Variants in CAMTA1 observed in about 807,000 individuals in gnomAD.
The protein encoded by CAMTA1 is calmodulin binding transcription activator 1.
In CAMTA1, 27 loss-of-function variants were observed where a neutral mutation model predicts 170.9. The observed-to-expected ratio is 0.16, with a 90% CI of 0.12 to 0.22. The LOEUF (loss-of-function observed/expected upper bound fraction) is 0.22, where lower values mean the gene tolerates loss of function less well. CAMTA1 is among the 10% of genes least tolerant of loss of function. The pLI, the probability that CAMTA1 is intolerant of heterozygous loss-of-function variation, is 1.00. For missense variants in CAMTA1, 1,619 were observed against 2,217.2 expected (o/e 0.73, Z 5.42); for synonymous variants, 833 against 891.5 (o/e 0.93, Z 1.17).
At chr1:7,690,733 AC>A (rs1414492165) in intron 11 of CAMTA1, among the ~76,000 whole-genome samples, 1 of 152,172 alleles carries the variant, frequency 6.6e-6, no homozygotes. Flanking sequence ...CTTTCCGGCA[AC>A]CCGTGAGGCC....
At chr1:7,554,054 A>G (rs1295410427) in intron 6 of CAMTA1, among the ~76,000 whole-genome samples, 3 of 152,122 alleles carry the variant, frequency 2.0e-5, no homozygotes, top group African/African-American at 7.2e-5. Context: ...CACTGCAGGG[A>G]AGTGTCTGGA....
chr1:7,310,662 T>TC (rs376282701), intron 5 of CAMTA1, among the ~76,000 whole-genome samples: 3,491 of 59,838 alleles, frequency 0.058, 264 homozygotes, highest in Admixed American at 0.086. Flanking sequence ...TTTCTTTCTT[T>TC]CTTTCTTTCC....
intron 5 of CAMTA1, among the ~76,000 whole-genome samples, chr1:7,414,953 G>A (rs1404228803): frequency 1.3e-5 from 2 of 151,510 alleles, no homozygotes; most frequent in Non-Finnish European, 1.5e-5. Flanking sequence ...ATTCTGGTAT[G>A]TTGTGTCTTT....
intron 3 of CAMTA1, among the ~76,000 whole-genome samples, chr1:6,980,977 G>T (rs1428657092): frequency 6.6e-6 from 1 of 151,968 alleles, no homozygotes; most frequent in Non-Finnish European, 1.5e-5. Context: ...TCCCTCATCG[G>T]AAACCCTTGG....
intron 5 of CAMTA1, among the ~76,000 whole-genome samples, chr1:7,265,126 C>T (rs1668716732): frequency 6.6e-6 from 1 of 152,100 alleles, no homozygotes; most frequent in Non-Finnish European, 1.5e-5. Context: ...GCCAGTGCCA[C>T]CCACTCAGGG....
At chr1:7,350,591 A>AG (rs1273131455) in intron 5 of CAMTA1, among the ~76,000 whole-genome samples, 2 of 152,196 alleles carry the variant, frequency 1.3e-5, no homozygotes, top group Non-Finnish European at 2.9e-5. Context: ...TTTACCGGGA[A>AG]GTTCCAACTG....
chr1:7,230,467 G>A (rs1045015401), intron 4 of CAMTA1, among the ~76,000 whole-genome samples: 1 of 127,596 alleles, frequency 7.8e-6, no homozygotes, highest in Non-Finnish European at 1.6e-5. Context: ...TCTGTGGAAA[G>A]CGCCTTACCT....
chr1:7,354,234 C>T (rs1384250383), intron 5 of CAMTA1, among the ~76,000 whole-genome samples: 1 of 151,786 alleles, frequency 6.6e-6, no homozygotes, highest in Admixed American at 6.6e-5. Flanking sequence ...CTGCAAGCTC[C>T]ACCTCCTGGG....
chr1:7,556,675 A>G (rs1383086266), intron 6 of CAMTA1, among the ~76,000 whole-genome samples: 1 of 152,150 alleles, frequency 6.6e-6, no homozygotes, highest in East Asian at 1.9e-4. Flanking sequence ...GCAGGTGTGG[A>G]ATGCACTCAA....
chr1:7,655,747 A>G (rs1456118383), intron 7 of CAMTA1, among the ~76,000 whole-genome samples: 3 of 152,132 alleles, frequency 2.0e-5, no homozygotes, highest in African/African-American at 7.2e-5. Context: ...ACACCTATAC[A>G]CACACCTATA....
chr1:7,736,068 C>T lies in CAMTA1; in HGVS notation c.3067-276C>T, dbSNP rs907350792. Among the ~76,000 whole-genome samples the T allele has an allele frequency of 3.3e-5, 5 of 152,180 alleles. No individual in the cohort carries two copies. Among genetic ancestry groups the T allele is most frequent in the Admixed American group, 6.5e-5 (1 of 15,278 alleles). On this transcript the variant is annotated intron_variant, in intron 12 of 22. Coordinates refer to ENST00000303635, the MANE Select transcript of CAMTA1 (RefSeq NM_015215.4). The surrounding 1 kb of genome is among the most constrained non-coding windows in gnomAD (Gnocchi z 4.5). ...GGGATTTCAGGCATGAGCCACTGTG[C>T]GCAGCCTAAATTTTGTACTTTTTGT...
intron 6 of CAMTA1, among the ~76,000 whole-genome samples, chr1:7,535,888 G>A (rs940306398): frequency 1.3e-5 from 2 of 152,202 alleles, no homozygotes; most frequent in Non-Finnish European, 1.5e-5. Flanking sequence ...TTTAGCAAGG[G>A]AAGCCCACAG....
chr1:7,250,422 G>A (rs1208523621), intron 5 of CAMTA1, among the ~76,000 whole-genome samples: 1 of 152,196 alleles, frequency 6.6e-6, no homozygotes, highest in Non-Finnish European at 1.5e-5. Flanking sequence ...AACTTCCCCT[G>A]GGAACAGGGA....
At chr1:7,279,349 T>C (rs1671180838) in intron 5 of CAMTA1, among the ~76,000 whole-genome samples, 1 of 152,196 alleles carries the variant, frequency 6.6e-6, no homozygotes, top group Non-Finnish European at 1.5e-5. Flanking sequence ...GTTCTGTTTC[T>C]CTTCTCCTTA....
intron 4 of CAMTA1, among the ~76,000 whole-genome samples, chr1:7,231,178 C>T (rs577819566): frequency 3.7e-3 from 566 of 152,210 alleles, no homozygotes; most frequent in African/African-American, 0.013. Context: ...GGCCCCTTGA[C>T]GTGGGCCTGA....
chr1:7,543,166 C>T (rs11588407), intron 6 of CAMTA1, among the ~76,000 whole-genome samples: 1 of 152,212 alleles, frequency 6.6e-6, no homozygotes, highest in African/African-American at 2.4e-5. Flanking sequence ...CACACCCAGC[C>T]TAAAACACAG....
At chr1:7,133,426 C>A (rs1177638184) in intron 4 of CAMTA1, among the ~76,000 whole-genome samples, 6 of 152,118 alleles carry the variant, frequency 3.9e-5, no homozygotes. Context: ...AGAATGTACT[C>A]CCTCTCATCC....
At chr1:7,545,077 C>T (rs1053720908) in intron 6 of CAMTA1, among the ~76,000 whole-genome samples, 1 of 152,216 alleles carries the variant, frequency 6.6e-6, no homozygotes, top group African/African-American at 2.4e-5. Context: ...TATATATTAT[C>T]GTGGTCATTC....
intron 4 of CAMTA1, among the ~76,000 whole-genome samples, chr1:7,201,364 A>T (rs747730079): frequency 1.3e-5 from 2 of 152,154 alleles, no homozygotes; most frequent in Non-Finnish European, 2.9e-5. Flanking sequence ...TTTTGTGTAG[A>T]CATATTTTTT....
Sources: allele counts gnomAD v4.1 joint callset (sites outside exome capture counted in the v4.1 genomes callset), GRCh38; gene constraint gnomAD v4.1.1; non-coding constraint Gnocchi (gnomAD v3.1); transcripts MANE v1.5; gene names NCBI Gene and HGNC (gene_info 2026-07-23, HGNC 2026-07-21).